Variants in FLI1 observed in about 807,000 individuals in gnomAD.
FLI1 encodes Friend leukemia integration 1 transcription factor.
In FLI1, 13 loss-of-function variants were observed where a neutral mutation model predicts 53.1. The ratio of observed to expected loss-of-function variants is 0.24; its 90% confidence interval spans 0.16 to 0.39. The LOEUF (loss-of-function observed/expected upper bound fraction) is 0.39, where lower values mean the gene tolerates loss of function less well. FLI1 is among the 10% of genes least tolerant of loss of function. FLI1 has a pLI of 1.00. For missense variants in FLI1, 424 were observed against 600.5 expected (o/e 0.71, Z 3.07); for synonymous variants, 244 against 236.7 (o/e 1.03, Z -0.28).
intron 1 of FLI1, among the ~76,000 whole-genome samples, chr11:128,750,406 C>T (rs762021492): frequency 1.3e-5 from 2 of 152,214 alleles, no homozygotes; most frequent in South Asian, 2.1e-4. Context: ...GCTCAGCCTA[C>T]GTATAAGGAA....
intron 1 of FLI1, among the ~76,000 whole-genome samples, chr11:128,738,081 CAGTAT>C (rs1939981426): frequency 6.6e-6 from 1 of 152,150 alleles, no homozygotes; most frequent in African/African-American, 2.4e-5. Flanking sequence ...GTCATTATTA[CAGTAT>C]AATTTTAGAA....
chr11:128,775,650 A>G (rs902240414), intron 4 of FLI1, among the ~76,000 whole-genome samples: 1 of 152,002 alleles, frequency 6.6e-6, no homozygotes, highest in Non-Finnish European at 1.5e-5. Flanking sequence ...GCCTTCAAAC[A>G]CTTTATTGTT....
intron 1 of FLI1, among the ~76,000 whole-genome samples, chr11:128,731,991 A>C (rs1300502095): frequency 5.1e-5 from 7 of 137,950 alleles, no homozygotes; most frequent in African/African-American, 1.4e-4. Flanking sequence ...GGACAGAGCG[A>C]GACTCCATCT....
rs1026608739 is a variant in FLI1, at chr11:128,698,121, C to A, written c.18+3845C>A. ...AGGGCCAGGGTTATGGCTGGCTCTG[C>A]AAGGCTCTGGAGGGCAGGTTGTCAC... On this transcript the variant is annotated intron_variant, in intron 1 of 8. Coordinates refer to ENST00000527786, the MANE Select transcript of FLI1 (RefSeq NM_002017.5). Among the ~76,000 whole-genome samples, 9 of 152,176 alleles carry A rather than the reference C, an allele frequency of 5.9e-5. No homozygotes were observed. In the East Asian group the frequency reaches 1.7e-3, roughly 29 times the overall value.
At chr11:128,805,648 G>A (rs376056523) in intron 6 of FLI1, 28 of 521,640 alleles carry the variant, frequency 5.4e-5, no homozygotes, top group African/African-American at 3.1e-4. Context: ...GTTTTATTGC[G>A]CTCGGTTTTA....
chr11:128,693,546 C>G (rs1404393470), upstream of FLI1, among the ~76,000 whole-genome samples: 4 of 152,040 alleles, frequency 2.6e-5, no homozygotes, highest in Admixed American at 2.6e-4. Flanking sequence ...AAGTTTGTCT[C>G]CGGCTGGAAA....
At chr11:128,748,208 C>A in intron 1 of FLI1, 1 of 944,756 alleles carries the variant, frequency 1.1e-6, no homozygotes, top group African/African-American at 1.8e-5. Flanking sequence ...GTACTTTCGT[C>A]TGCAAATAAT....
At position 128,811,717 on chromosome 11, in the gene FLI1, A is replaced by C. The variant is rs1334439133; in HGVS notation, c.*729A>C. ...TTTTTTTTTTTTTTTAAATGATGAC[A>C]GTGGTCCCAGAACTTGGAAAAGTTG... On this transcript the variant is annotated 3_prime_UTR_variant, in exon 9 of 9. Transcript: ENST00000527786. The C allele has an allele frequency of 1.5e-5, 3 of 200,984 alleles. No individual in the cohort carries two copies. Among genetic ancestry groups the C allele is most frequent in the Non-Finnish European group, 3.1e-5 (3 of 97,864 alleles). 12.5% of individuals were successfully genotyped at this position (200,984 alleles called of 1,614,324 possible). A position where few individuals can be genotyped will look rare whatever the true frequency, so the allele number is the denominator to read the frequency against.
At chr11:128,699,307 C>A (rs77588568) in intron 1 of FLI1, among the ~76,000 whole-genome samples, 177 of 152,168 alleles carry the variant, frequency 1.2e-3, no homozygotes, top group Non-Finnish European at 1.6e-3. Flanking sequence ...TACTAAGTTA[C>A]CCCCAGCCAA....
At chr11:128,791,485 A>T (rs1942270179) in intron 5 of FLI1, among the ~76,000 whole-genome samples, 1 of 152,180 alleles carries the variant, frequency 6.6e-6, no homozygotes, top group African/African-American at 2.4e-5. Context: ...CCAATACAGC[A>T]TTCAATAGAT....
intron 1 of FLI1, among the ~76,000 whole-genome samples, chr11:128,727,549 G>C (rs10893914): frequency 0.2 from 30,145 of 152,166 alleles, 3,368 homozygotes; most frequent in Admixed American, 0.34. Flanking sequence ...TTGCGGAAAG[G>C]GCTGATGTAT....
intron 5 of FLI1, among the ~76,000 whole-genome samples, chr11:128,786,097 AGGGTGACTCCT>A (rs1168026584): frequency 6.6e-6 from 1 of 152,226 alleles, no homozygotes; most frequent in Non-Finnish European, 1.5e-5. Flanking sequence ...AGAACCTCCA[AGGGTGACTCCT>A]GGGCATTGGA....
At chr11:128,725,067 G>A (rs563070108) in intron 1 of FLI1, among the ~76,000 whole-genome samples, 2 of 152,262 alleles carry the variant, frequency 1.3e-5, no homozygotes, top group African/African-American at 2.4e-5. Flanking sequence ...TCGTAGTTTC[G>A]ATAAAAACTA....
intron 1 of FLI1, among the ~76,000 whole-genome samples, chr11:128,709,959 C>A (rs1026247980): frequency 3.9e-5 from 6 of 152,190 alleles, no homozygotes; most frequent in African/African-American, 1.4e-4. Context: ...ATAGGTTTAA[C>A]TGACTTTGGT....
At chr11:128,701,558 A>G (rs1165100074) in intron 1 of FLI1, among the ~76,000 whole-genome samples, 1 of 152,162 alleles carries the variant, frequency 6.6e-6, no homozygotes. Flanking sequence ...GTACCTTCAA[A>G]ATTGCTCATC....
intron 5 of FLI1, among the ~76,000 whole-genome samples, chr11:128,790,153 AGCTT>A (rs1942227231): frequency 6.6e-6 from 1 of 151,780 alleles, no homozygotes; most frequent in Non-Finnish European, 1.5e-5. Context: ...GATAGACAGT[AGCTT>A]GCTCTCTCTA....
chr11:128,762,835 A>G (rs1284029774), intron 2 of FLI1, among the ~76,000 whole-genome samples: 6 of 152,156 alleles, frequency 3.9e-5, no homozygotes, highest in Non-Finnish European at 8.8e-5. Context: ...GCATGCCTGT[A>G]ATCCCACCTA....
chr11:128,756,885 T>G (rs1400695864), intron 1 of FLI1, among the ~76,000 whole-genome samples: 4 of 151,946 alleles, frequency 2.6e-5, no homozygotes, highest in Non-Finnish European at 5.9e-5. Flanking sequence ...TGTGCAAAGT[T>G]TTTTAGTTGT....
At chr11:128,805,525 T>C in intron 6 of FLI1, 94 bp downstream of exon 6, 2 of 759,334 alleles carry the variant, frequency 2.6e-6, no homozygotes, top group Non-Finnish European at 4.3e-6. Context: ...GCAGCAAGCA[T>C]TTGTTTCCCT....
Sources: allele counts gnomAD v4.1 joint callset (sites outside exome capture counted in the v4.1 genomes callset), GRCh38; gene constraint gnomAD v4.1.1; transcripts MANE v1.5; gene names NCBI Gene and HGNC (gene_info 2026-07-23, HGNC 2026-07-21).